The following TPH2 variants were observed in gnomAD, a reference collection of about 807,000 sequenced individuals.
TPH2 encodes tryptophan 5-hydroxylase 2.
Under a neutral mutation model 59.1 loss-of-function variants are expected in TPH2, and 27 were observed. The ratio of observed to expected loss-of-function variants is 0.46; its 90% CI spans 0.34 to 0.63. TPH2 has a LOEUF of 0.63. Ranked by LOEUF, TPH2 falls within the 30% of genes least tolerant of loss-of-function variation. The pLI, the probability that TPH2 is intolerant of heterozygous loss-of-function variation, is 0.01. For synonymous variants in TPH2, 220 were observed against 210.5 expected (o/e 1.05, Z -0.39); for missense variants, 523 against 588.3 (o/e 0.89, Z 1.15).
chr12:71,946,166 A>G (rs1871192072), intron 4 of TPH2, among the ~76,000 whole-genome samples: 1 of 152,144 alleles, frequency 6.6e-6, no homozygotes, highest in Non-Finnish European at 1.5e-5. Context: ...ATTGTTACTG[A>G]CCTCAAAGGG....
intron 8 of TPH2, among the ~76,000 whole-genome samples, chr12:72,022,171 A>G (rs1444965307): frequency 2.0e-5 from 3 of 152,218 alleles, no homozygotes; most frequent in Middle Eastern, 3.2e-3. Context: ...TTCTGAATTC[A>G]GGAAGCGTAA....
Position 71,944,496 on chromosome 12 carries a change from T to A in TPH2, c.439+19T>A, listed in dbSNP as rs1566111848. On this transcript the variant is annotated intron_variant, in intron 3 of 10. Transcript: ENST00000333850. The stretch of plus-strand genomic sequence containing the variant: ...GAAGAAGGCAAGGGTGGTCTTAGCT[T>A]GTCGGGTAACTTTGCAATCTGACAA... 1 of 1,613,872 alleles carries A rather than the reference T, an allele frequency of 6.2e-7. No homozygotes were observed. Among genetic ancestry groups the A allele is most frequent in the Non-Finnish European group, 8.5e-7 (1 of 1,179,830 alleles).
At chr12:71,989,012 A>T (rs1159625549) in intron 7 of TPH2, among the ~76,000 whole-genome samples, 4 of 151,946 alleles carry the variant, frequency 2.6e-5, no homozygotes, top group Non-Finnish European at 4.4e-5. Flanking sequence ...AGTAAAGAAG[A>T]GAAACATCAG....
chr12:72,032,393 A>C lies in TPH2; in HGVS notation c.*698A>C, dbSNP rs1381576117. 6.6e-6 allele frequency: 1 copy of C among 152,472 alleles called. No homozygotes were observed. Among genetic ancestry groups the C allele is most frequent in the African/African-American group, 2.4e-5 (1 of 41,430 alleles). 9.4% of individuals were successfully genotyped at this position (152,472 alleles called of 1,614,324 possible). ...GGAAAGACTAAACAGTGGACAATCAATCTTGGGACTATGAATTTTATGCTG... is the reference window on the plus strand; with the variant it reads ...GGAAAGACTAAACAGTGGACAATCACTCTTGGGACTATGAATTTTATGCTG... On this transcript the variant is annotated 3_prime_UTR_variant, in exon 11 of 11. Transcript: ENST00000333850.
chr12:71,999,755 C>T (rs1187405893), intron 8 of TPH2, among the ~76,000 whole-genome samples: 1 of 152,198 alleles, frequency 6.6e-6, no homozygotes, highest in Non-Finnish European at 1.5e-5. Flanking sequence ...ACAAAAGGTT[C>T]TTTGGCTGCA....
chr12:71,945,605 G>T (rs142033195), intron 4 of TPH2, among the ~76,000 whole-genome samples: 17 of 152,254 alleles, frequency 1.1e-4, no homozygotes, highest in African/African-American at 4.1e-4. Context: ...ACTCTGCGCA[G>T]TGGCTCTCTA....
rs117531966 is a variant in TPH2, at chr12:71,976,429, A to T, written c.806-2523A>T. On this transcript the variant is annotated intron_variant, in intron 6 of 10. Transcript: ENST00000333850. ...TTAAAATACCTAATTTATTTAAAAC[A>T]GAAACTTTTAAAGCAATGGTATCTA... 3.6e-3 allele frequency among the ~76,000 whole-genome samples: 553 copies of T among 152,358 alleles called. 1 individual carries two copies. Among genetic ancestry groups the T allele is most frequent in the Admixed American group, 8.4e-3 (128 of 15,308 alleles).
In TPH2 at chr12:72,031,939, A is replaced by C; in HGVS notation, c.*244A>C. 1.9e-6 allele frequency: 1 copy of C among 516,006 alleles called. No individual in the cohort carries two copies. Among genetic ancestry groups the C allele is most frequent in the South Asian group, 2.1e-5 (1 of 48,660 alleles). The allele number at this position is 516,006 out of a possible 1,614,324, so 32.0% of individuals were successfully genotyped here. ...TTTAAACATCTTAAAAAGATTTGAC[A>C]TTCCTGCTTAGTGTCCTTAACCAAA... On this transcript the variant is annotated 3_prime_UTR_variant, in exon 11 of 11. Coordinates refer to ENST00000333850, the MANE Select transcript of TPH2 (RefSeq NM_173353.4).
intron 6 of TPH2, among the ~76,000 whole-genome samples, chr12:71,973,388 C>T (rs2139204259): frequency 6.6e-6 from 1 of 152,288 alleles, no homozygotes; most frequent in Admixed American, 6.5e-5. Context: ...ATTCTCACTC[C>T]TCGTTATACA....
intron 5 of TPH2, among the ~76,000 whole-genome samples, chr12:71,969,234 G>C (rs1871905205): frequency 1.3e-5 from 2 of 152,136 alleles, no homozygotes. Context: ...AGTGAGCCGG[G>C]ATTACACCAC....
intron 6 of TPH2, among the ~76,000 whole-genome samples, chr12:71,978,730 G>C (rs1044067774): frequency 1.3e-5 from 2 of 151,926 alleles, no homozygotes; most frequent in African/African-American, 4.8e-5. Context: ...TCATTTTCTT[G>C]AATGTTTTGT....
In TPH2 at chr12:72,022,610, T is replaced by C. The variant is rs912003634; in HGVS notation, c.1164+116T>C. 3.3e-6 allele frequency: 3 copies of C among 908,162 alleles called. No homozygotes were observed. The African/African-American group carries it at 4.9e-5, about 15-fold the overall frequency. The allele number at this position is 908,162 out of a possible 1,614,324, so 56.3% of individuals were successfully genotyped here. ...ACAGATACTCCATAAATATTTAACA[T>C]AGAGGATTTGGCACCTCGGATGTGG... On this transcript the variant is annotated intron_variant, in intron 9 of 10. Transcript: ENST00000333850.
At position 72,007,289 on chromosome 12, in the gene TPH2, T is replaced by A. The variant is rs1437980036; in HGVS notation, c.1068+12724T>A. On this transcript the variant is annotated intron_variant, in intron 8 of 10. Coordinates refer to ENST00000333850, the MANE Select transcript of TPH2 (RefSeq NM_173353.4). The stretch of plus-strand genomic sequence containing the variant: ...AGAAAGGCAAGTCACAGGAAACAGC[T>A]TGGGGAAAACAAATGAAAAAATATT... 2.0e-5 allele frequency among the ~76,000 whole-genome samples: 3 copies of A among 152,146 alleles called. No homozygotes were observed. The East Asian group carries it at 5.8e-4, about 29-fold the overall frequency.
At position 72,031,811 on chromosome 12, in the gene TPH2, T is replaced by G; in HGVS notation, c.*116T>G. 1 of 1,184,586 alleles carries G rather than the reference T, an allele frequency of 8.4e-7. No individual in the cohort carries two copies. Among genetic ancestry groups the G allele is most frequent in the Non-Finnish European group, 1.3e-6 (1 of 799,142 alleles). 73.4% of individuals were successfully genotyped at this position (1,184,586 alleles called of 1,614,324 possible). ...ATGGCTTGGCTAATAAGCATGCAAT[T>G]CCATATATCTATACCATCTTGTAAC... On this transcript the variant is annotated 3_prime_UTR_variant, in exon 11 of 11. Coordinates refer to ENST00000333850, the MANE Select transcript of TPH2 (RefSeq NM_173353.4).
intron 8 of TPH2, among the ~76,000 whole-genome samples, chr12:71,997,516 G>T (rs1872723938): frequency 6.6e-6 from 1 of 152,252 alleles, no homozygotes. Flanking sequence ...TTCTTTAGGA[G>T]CTTGCATTCC....
rs746274933 is a variant in TPH2, at chr12:71,944,567, C to A, written c.440-19C>A. On this transcript the variant is annotated intron_variant, in intron 3 of 10. Transcript: ENST00000333850. ...CAATCTGTGAACTAATATTTTTGAACCTGCACTGTTTTCAACAGAGCTAGA... is the reference window on the plus strand; with the variant it reads ...CAATCTGTGAACTAATATTTTTGAAACTGCACTGTTTTCAACAGAGCTAGA... 5.0e-6 allele frequency: 8 copies of A among 1,613,544 alleles called. No homozygotes were observed. The South Asian group carries it at 6.6e-5, about 13-fold the overall frequency.
At chr12:72,008,169 T>C (rs970702800) in intron 8 of TPH2, among the ~76,000 whole-genome samples, 4 of 152,178 alleles carry the variant, frequency 2.6e-5, no homozygotes, top group Admixed American at 6.5e-5. Context: ...AAAGGTGGCT[T>C]CCTGAGGGGA....
chr12:71,946,005 C>T (rs1293994111), intron 4 of TPH2, among the ~76,000 whole-genome samples: 1 of 152,116 alleles, frequency 6.6e-6, no homozygotes, highest in Non-Finnish European at 1.5e-5. Flanking sequence ...CTCTCAACTT[C>T]CAGAAGGCAT....
chr12:72,022,532 A>G, intron 9 of TPH2, 38 bp downstream of exon 9: 1 of 1,430,490 alleles, frequency 7.0e-7, no homozygotes. Context: ...TCCCATGCAA[A>G]CTGGTTCAAG....
Sources: gnomAD v4.1 joint callset for allele counts (sites outside exome capture counted in the v4.1 genomes callset) on GRCh38, gnomAD v4.1.1 for gene constraint, MANE v1.5 for transcripts, NCBI Gene and HGNC (gene_info 2026-07-23, HGNC 2026-07-21) for gene names.